CLSTN2: variants seen among roughly 807,000 people sequenced by gnomAD.
CLSTN2 encodes calsyntenin-2.
In CLSTN2, 48 loss-of-function variants were observed where a neutral mutation model predicts 101.2. The observed-to-expected ratio is 0.47, with a 90% CI of 0.38 to 0.60. The LOEUF is 0.60. Ranked by LOEUF, CLSTN2 falls within the 20% of genes least tolerant of loss-of-function variation. CLSTN2 has a pLI of 0.00. For synonymous variants in CLSTN2, 481 were observed against 463.6 expected (o/e 1.04, Z -0.48); for missense variants, 1,160 against 1,238.2 (o/e 0.94, Z 0.95).
intron 8 of CLSTN2, among the ~76,000 whole-genome samples, chr3:140,468,950 T>A (rs1933771980): frequency 6.6e-6 from 1 of 152,190 alleles, no homozygotes; most frequent in Non-Finnish European, 1.5e-5. Context: ...GAATTTATTT[T>A]CTCACAGTTA....
At chr3:139,991,125 T>C (rs545500798) in intron 1 of CLSTN2, among the ~76,000 whole-genome samples, 5 of 152,322 alleles carry the variant, frequency 3.3e-5, no homozygotes, top group African/African-American at 1.2e-4. Flanking sequence ...CTTATTTGGG[T>C]AAATACAGGT....
chr3:140,555,832 C>G (rs1935780641), intron 10 of CLSTN2, among the ~76,000 whole-genome samples: 1 of 152,174 alleles, frequency 6.6e-6, no homozygotes, highest in Non-Finnish European at 1.5e-5. Flanking sequence ...CCAAGTGACT[C>G]AGTGGGGAGA....
At chr3:140,202,903 A>G (rs1480769953) in intron 2 of CLSTN2, among the ~76,000 whole-genome samples, 1 of 152,192 alleles carries the variant, frequency 6.6e-6, no homozygotes, top group Admixed American at 6.5e-5. Flanking sequence ...GGGTCCATCC[A>G]TGTGACTGAG....
chr3:139,990,073 T>C (rs1936091529), intron 1 of CLSTN2, among the ~76,000 whole-genome samples: 1 of 152,250 alleles, frequency 6.6e-6, no homozygotes, highest in African/African-American at 2.4e-5. Context: ...CTTTTGTTGC[T>C]TGTAGGCATT....
intron 1 of CLSTN2, among the ~76,000 whole-genome samples, chr3:140,042,522 TTTATTA>T (rs910130107): frequency 3.9e-5 from 6 of 151,900 alleles, no homozygotes; most frequent in Non-Finnish European, 7.4e-5. Flanking sequence ...TGTAGTTTCT[TTTATTA>T]TTATTATTAT....
At chr3:140,071,832 A>AAAATAAAT (rs142873442) in intron 1 of CLSTN2, among the ~76,000 whole-genome samples, 3,016 of 149,806 alleles carry the variant, frequency 0.02, 99 homozygotes, top group African/African-American at 0.07. Context: ...CTCCGTCTAA[A>AAAATAAAT]AAATAAATAA....
intron 9 of CLSTN2, among the ~76,000 whole-genome samples, chr3:140,541,291 C>T (rs1032610130): frequency 2.0e-5 from 3 of 152,254 alleles, no homozygotes; most frequent in Non-Finnish European, 2.9e-5. Flanking sequence ...AATCTCAATA[C>T]ACAAATTTAA....
intron 12 of CLSTN2, among the ~76,000 whole-genome samples, chr3:140,561,511 C>CA (rs1323930194): frequency 6.6e-6 from 1 of 152,166 alleles, no homozygotes; most frequent in African/African-American, 2.4e-5. Context: ...ATTAATTTAT[C>CA]AAATATTGAT....
chr3:140,448,413 TGTTGGGGCAAATAATTC>T, intron 5 of CLSTN2, 89 bp from the exon 6 acceptor site: 2 of 906,410 alleles, frequency 2.2e-6, no homozygotes, highest in Non-Finnish European at 3.5e-6. Flanking sequence ...CTAATATATG[TGTTGGGGCAAATAATTC>T]GTTGGAACAA....
chr3:140,430,222 T>A (rs2088614307), intron 5 of CLSTN2, among the ~76,000 whole-genome samples: 1 of 152,282 alleles, frequency 6.6e-6, no homozygotes, highest in South Asian at 2.1e-4. Flanking sequence ...TGTCTGAGGT[T>A]CCACCATTGC....
At chr3:140,163,199 A>T (rs2010078816) in intron 1 of CLSTN2, among the ~76,000 whole-genome samples, 1 of 152,218 alleles carries the variant, frequency 6.6e-6, no homozygotes, top group African/African-American at 2.4e-5. Flanking sequence ...GTTGACTTTA[A>T]GTAAAGGACA....
chr3:140,326,038 TC>T (rs776525163), intron 2 of CLSTN2, among the ~76,000 whole-genome samples: 50 of 152,230 alleles, frequency 3.3e-4, no homozygotes, highest in Non-Finnish European at 6.0e-4. Flanking sequence ...CTTTTCACAC[TC>T]CTACCCCACA....
At chr3:140,469,919 C>T (rs763248551) in intron 8 of CLSTN2, among the ~76,000 whole-genome samples, 1 of 152,142 alleles carries the variant, frequency 6.6e-6, no homozygotes, top group Non-Finnish European at 1.5e-5. Flanking sequence ...TTTTAAAATG[C>T]TTAAATGTTG....
intron 6 of CLSTN2, chr3:140,454,295 G>T (rs1049680928): frequency 6.6e-6 from 1 of 152,156 alleles, no homozygotes; most frequent in Non-Finnish European, 1.5e-5. Context: ...AAGCAACTAG[G>T]TATCCATGGC....
intron 1 of CLSTN2, among the ~76,000 whole-genome samples, chr3:139,957,491 CTT>C (rs71627872): frequency 8.2e-5 from 12 of 145,564 alleles, no homozygotes; most frequent in South Asian, 2.2e-4. Context: ...GTAATCTTTA[CTT>C]TTTTTTTTTT....
rs939233019 is a variant in CLSTN2 at position 140,017,702 on chromosome 3, G to A, written c.109+82219G>A. 6.6e-5 allele frequency among the ~76,000 whole-genome samples: 10 copies of A among 152,224 alleles called. 1 individual carries two copies. The highest frequency in any genetic ancestry group is 3.3e-4 in the Admixed American group (5 of 15,286). On this transcript the variant is annotated intron_variant, in intron 1 of 16. Coordinates refer to ENST00000458420, the MANE Select transcript of CLSTN2 (RefSeq NM_022131.3). ...GTGACTCCTTTCCAAGAGGAGGGGAGGGAGATGACATTCTAGAGGCAACAA... is the reference window on the plus strand; with the variant it reads ...GTGACTCCTTTCCAAGAGGAGGGGAAGGAGATGACATTCTAGAGGCAACAA...
chr3:140,191,580 A>G (rs1476195474), intron 2 of CLSTN2, among the ~76,000 whole-genome samples: 1 of 151,970 alleles, frequency 6.6e-6, no homozygotes, highest in African/African-American at 2.4e-5. Flanking sequence ...GTTCATAGTT[A>G]CAGAGCTCTT....
intron 2 of CLSTN2, among the ~76,000 whole-genome samples, chr3:140,353,020 G>A (rs2087627408): frequency 6.6e-6 from 1 of 151,968 alleles, no homozygotes; most frequent in African/African-American, 2.4e-5. Context: ...TAACAATATA[G>A]CATAACAGCT....
Position 140,439,752 on chromosome 3 carries a change from C to T in CLSTN2, c.788-8767C>T, listed in dbSNP as rs1241816380. 1.0e-4 allele frequency among the ~76,000 whole-genome samples: 9 copies of T among 90,206 alleles called. No homozygotes were observed. The South Asian group carries it at 1.8e-3, about 18-fold the overall frequency. 59.2% of individuals were successfully genotyped at this position (90,206 alleles called of 152,430 possible). On this transcript the variant is annotated intron_variant, in intron 5 of 16. Coordinates refer to ENST00000458420, the MANE Select transcript of CLSTN2 (RefSeq NM_022131.3). ...ACACACACGTGCACGTGCACACACACGCACACACACACACACAGCAGCCAT... is the reference window on the plus strand; with the variant it reads ...ACACACACGTGCACGTGCACACACATGCACACACACACACACAGCAGCCAT...
Sources: gnomAD v4.1 joint callset for allele counts (sites outside exome capture counted in the v4.1 genomes callset) on GRCh38, gnomAD v4.1.1 for gene constraint, MANE v1.5 for transcripts, NCBI Gene and HGNC (gene_info 2026-07-23, HGNC 2026-07-21) for gene names.